Variants in CAST observed in about 807,000 individuals in gnomAD.
The protein encoded by CAST is MIR583 host.
CAST carries 76 observed loss-of-function variants against 119.6 expected under a neutral mutation model. That is an observed-to-expected ratio of 0.64 (90% CI 0.53 to 0.77). The LOEUF is 0.77. CAST is among the 30% of genes least tolerant of loss of function. The pLI is 0.00. For missense variants in CAST, 953 were observed against 946.5 expected (o/e 1.01, Z -0.09); for synonymous variants, 319 against 331.6 (o/e 0.96, Z 0.41).
At chr5:96,080,182 T>A in the CAST span, among the ~76,000 whole-genome samples, 1 of 152,192 alleles carries the variant, frequency 6.6e-6, no homozygotes, top group South Asian at 2.1e-4. Flanking sequence ...TGGGTATAAA[T>A]AATAGTATAT....
chr5:96,604,294 A>G (rs1346702501), intron 1 of CAST, among the ~76,000 whole-genome samples: 1 of 152,196 alleles, frequency 6.6e-6, no homozygotes, highest in Non-Finnish European at 1.5e-5. Flanking sequence ...TACTATAATC[A>G]CTTGATTCTC....
chr5:96,310,072 A>G, the CAST span, among the ~76,000 whole-genome samples: 1 of 152,228 alleles, frequency 6.6e-6, no homozygotes, highest in African/African-American at 2.4e-5. Context: ...TTTCTTACAT[A>G]TCATCTTTAC....
chr5:96,412,899 C>T, the CAST span: 1 of 774,184 alleles, frequency 1.3e-6, no homozygotes. Flanking sequence ...GCCCTCCCTC[C>T]CACCCCAACT....
chr5:96,004,903 G>T, the CAST span, among the ~76,000 whole-genome samples: 1 of 151,958 alleles, frequency 6.6e-6, no homozygotes, highest in Non-Finnish European at 1.5e-5. Context: ...CAGCTCCCTA[G>T]GATTAAAGAG....
the CAST span, among the ~76,000 whole-genome samples, chr5:96,160,171 G>A: frequency 6.6e-6 from 1 of 151,796 alleles, no homozygotes; most frequent in African/African-American, 2.4e-5. Context: ...ATGGCCTTTA[G>A]TATATTCACA....
the CAST span, among the ~76,000 whole-genome samples, chr5:96,315,504 G>A: frequency 6.6e-6 from 1 of 152,218 alleles, no homozygotes. Context: ...AGGGTAGAGA[G>A]CAAGACCAGA....
upstream of CAST, among the ~76,000 whole-genome samples, chr5:96,529,187 C>T (rs73775316): frequency 4.2e-3 from 645 of 152,234 alleles, 2 homozygotes; most frequent in African/African-American, 0.015. Context: ...TCTTATCAAA[C>T]AAACCTTGTT....
intron 1 of CAST, among the ~76,000 whole-genome samples, chr5:96,539,839 T>C (rs1745881085): frequency 6.6e-6 from 1 of 152,220 alleles, no homozygotes; most frequent in Admixed American, 6.5e-5. Flanking sequence ...TTACATTTAA[T>C]GTGACTACTG....
the CAST span, among the ~76,000 whole-genome samples, chr5:96,005,514 C>A: frequency 5.9e-5 from 9 of 151,992 alleles, no homozygotes; most frequent in African/African-American, 2.2e-4. Flanking sequence ...AGAGAAGTAA[C>A]TAGAAGAAAT....
chr5:96,046,919 T>A, the CAST span, among the ~76,000 whole-genome samples: 17 of 152,214 alleles, frequency 1.1e-4, no homozygotes, highest in African/African-American at 3.6e-4. Context: ...ATCACGAGAA[T>A]AGCACAGGAA....
At chr5:96,573,161 A>G (rs1412229323) in intron 1 of CAST, among the ~76,000 whole-genome samples, 1 of 152,200 alleles carries the variant, frequency 6.6e-6, no homozygotes, top group African/African-American at 2.4e-5. Flanking sequence ...TGGATTGTGC[A>G]CTGGGTTTGA....
intron 4 of CAST, among the ~76,000 whole-genome samples, chr5:96,723,167 G>T (rs986430302): frequency 6.6e-6 from 1 of 152,076 alleles, no homozygotes; most frequent in Admixed American, 6.6e-5. Flanking sequence ...GTCTCACTGT[G>T]TTGCCCAAGC....
the CAST span, among the ~76,000 whole-genome samples, chr5:96,382,384 A>C: frequency 6.6e-6 from 1 of 152,338 alleles, no homozygotes; most frequent in East Asian, 1.9e-4. Flanking sequence ...CTGAATGAAG[A>C]ATAAGTGAAA....
the CAST span, among the ~76,000 whole-genome samples, chr5:95,966,585 T>A: frequency 6.6e-6 from 1 of 151,942 alleles, no homozygotes; most frequent in African/African-American, 2.4e-5. Flanking sequence ...AAAAAAAAAA[T>A]TGTGATTTGG....
intron 1 of CAST, among the ~76,000 whole-genome samples, chr5:96,649,006 T>C (rs2150204662): frequency 6.6e-6 from 1 of 152,308 alleles, no homozygotes. Context: ...TGTCGATGTA[T>C]GGCTATATTA....
chr5:96,602,369 C>T (rs1053402301), intron 1 of CAST, among the ~76,000 whole-genome samples: 1 of 152,188 alleles, frequency 6.6e-6, no homozygotes. Context: ...AGATAAGAGT[C>T]CTGCCCTCAT....
the CAST span, chr5:96,391,600 G>A: frequency 2.6e-5 from 4 of 152,128 alleles, no homozygotes; most frequent in Non-Finnish European, 4.4e-5. Context: ...GTACACATTC[G>A]CTTAGTGTAG....
At chr5:96,521,859 C>T (rs188325326), upstream of CAST, among the ~76,000 whole-genome samples, 85 of 152,296 alleles carry the variant, frequency 5.6e-4, no homozygotes, top group Admixed American at 1.7e-3. Context: ...TGGCTCCGGA[C>T]TGTAATCCCA....
At chr5:96,106,519 G>A in the CAST span, among the ~76,000 whole-genome samples, 1 of 151,314 alleles carries the variant, frequency 6.6e-6, no homozygotes, top group African/African-American at 2.4e-5. Flanking sequence ...CAGTTTCCAT[G>A]TAGTTGAGCG....
Sources: allele counts gnomAD v4.1 joint callset (sites outside exome capture counted in the v4.1 genomes callset), GRCh38; gene constraint gnomAD v4.1.1; transcripts MANE v1.5; gene names NCBI Gene and HGNC (gene_info 2026-07-23, HGNC 2026-07-21).